NDUFAF2: variants seen among roughly 807,000 people sequenced by gnomAD.
NDUFAF2 encodes NADH dehydrogenase [ubiquinone] 1 alpha subcomplex assembly factor 2.
Under a neutral mutation model 22.8 loss-of-function variants are expected in NDUFAF2, and 13 were observed. The ratio of observed to expected loss-of-function variants is 0.57; its 90% CI spans 0.37 to 0.91. The LOEUF is 0.91. Among genes scored for constraint, NDUFAF2 ranks in the 40% least tolerant of loss-of-function variants. NDUFAF2 has a pLI of 0.01. For synonymous variants in NDUFAF2, 53 were observed against 64.2 expected (o/e 0.83, Z 0.84); for missense variants, 162 against 195.2 (o/e 0.83, Z 1.01).
At chr5:60,946,439 C>T (rs1042083123) in intron 1 of NDUFAF2, among the ~76,000 whole-genome samples, 1 of 152,114 alleles carries the variant, frequency 6.6e-6, no homozygotes, top group African/African-American at 2.4e-5. Context: ...TTTTGCCTGG[C>T]CTTTTTCTGT....
intron 1 of NDUFAF2, chr5:61,050,614 G>T (rs1580113393): frequency 6.6e-6 from 1 of 152,128 alleles, no homozygotes; most frequent in Non-Finnish European, 1.5e-5. Context: ...CCTCAGACTA[G>T]AACTACTGAC....
At chr5:61,133,978 G>A (rs1753143609) in intron 3 of NDUFAF2, among the ~76,000 whole-genome samples, 2 of 152,066 alleles carry the variant, frequency 1.3e-5, no homozygotes, top group South Asian at 2.1e-4. Flanking sequence ...ACGTAATTTG[G>A]CATAATTTAT....
chr5:60,962,764 C>G (rs1411763921), intron 1 of NDUFAF2, among the ~76,000 whole-genome samples: 1 of 150,142 alleles, frequency 6.7e-6, no homozygotes, highest in Non-Finnish European at 1.5e-5. Context: ...ACCCGGGAGG[C>G]GGAGGTTGCA....
At chr5:61,019,669 T>G (rs1430747226) in intron 1 of NDUFAF2, among the ~76,000 whole-genome samples, 1 of 152,080 alleles carries the variant, frequency 6.6e-6, no homozygotes, top group Admixed American at 6.6e-5. Context: ...ATAAATTTTG[T>G]TTTTTTCAAA....
intron 3 of NDUFAF2, among the ~76,000 whole-genome samples, chr5:61,120,490 A>ACTT (rs1049038417): frequency 2.6e-5 from 4 of 152,092 alleles, no homozygotes; most frequent in African/African-American, 9.7e-5. Context: ...TTTCTTACAT[A>ACTT]CTTCTATACA....
chr5:61,116,340 A>G (rs1405794377), intron 3 of NDUFAF2: 1 of 152,186 alleles, frequency 6.6e-6, no homozygotes, highest in Non-Finnish European at 1.5e-5. Context: ...AAAACTTAAA[A>G]TAACTGCTAT....
chr5:61,008,779 C>A (rs183925862), intron 1 of NDUFAF2, among the ~76,000 whole-genome samples: 45 of 152,064 alleles, frequency 3.0e-4, no homozygotes, highest in Non-Finnish European at 4.4e-5. Context: ...ATGTTTGTTT[C>A]TTTCTATTAT....
At chr5:61,144,654 A>G (rs1741109914) in intron 3 of NDUFAF2, among the ~76,000 whole-genome samples, 1 of 152,180 alleles carries the variant, frequency 6.6e-6, no homozygotes, top group African/African-American at 2.4e-5. Flanking sequence ...GAACCTATTC[A>G]GATATCTCTC....
chr5:60,994,008 C>G (rs927607565), intron 1 of NDUFAF2, among the ~76,000 whole-genome samples: 1 of 152,248 alleles, frequency 6.6e-6, no homozygotes, highest in Non-Finnish European at 1.5e-5. Context: ...GCTATTCATG[C>G]CAAGGGGCGC....
chr5:61,060,219 A>C (rs1405027560), intron 1 of NDUFAF2, among the ~76,000 whole-genome samples: 2 of 152,154 alleles, frequency 1.3e-5, no homozygotes, highest in Non-Finnish European at 2.9e-5. Context: ...GCTGCAACTG[A>C]GTAACTTTAG....
chr5:61,069,136 T>A (rs1367094780), intron 1 of NDUFAF2, among the ~76,000 whole-genome samples: 1 of 151,932 alleles, frequency 6.6e-6, no homozygotes, highest in Non-Finnish European at 1.5e-5. Context: ...CTTTTTTTTT[T>A]TTTTTTTCCT....
chr5:60,994,047 T>C (rs1322489960), intron 1 of NDUFAF2, among the ~76,000 whole-genome samples: 2 of 152,126 alleles, frequency 1.3e-5, no homozygotes, highest in Non-Finnish European at 2.9e-5. Context: ...CTGCCCTCAG[T>C]CCCCCACGGC....
chr5:61,045,788 T>C (rs1292725542), intron 1 of NDUFAF2, among the ~76,000 whole-genome samples: 1 of 152,168 alleles, frequency 6.6e-6, no homozygotes, highest in African/African-American at 2.4e-5. Flanking sequence ...ACATCTTCCT[T>C]TCTGATTTGG....
chr5:61,109,782 G>A (rs569791734), intron 3 of NDUFAF2, among the ~76,000 whole-genome samples: 1 of 152,044 alleles, frequency 6.6e-6, no homozygotes, highest in African/African-American at 2.4e-5. Flanking sequence ...CACCATGTAA[G>A]ACATCCCTCT....
intron 1 of NDUFAF2, among the ~76,000 whole-genome samples, chr5:61,008,858 G>A (rs927652221): frequency 6.6e-6 from 1 of 152,042 alleles, no homozygotes; most frequent in Non-Finnish European, 1.5e-5. Flanking sequence ...GAAGGATGAG[G>A]TTTGCTTTTG....
chr5:60,974,273 C>T (rs1490113878), intron 1 of NDUFAF2, among the ~76,000 whole-genome samples: 1 of 152,166 alleles, frequency 6.6e-6, no homozygotes, highest in African/African-American at 2.4e-5. Context: ...CATTAGACTC[C>T]AAGTTCTTAA....
At chr5:60,984,850 A>T (rs1298697744) in intron 1 of NDUFAF2, among the ~76,000 whole-genome samples, 2 of 148,886 alleles carry the variant, frequency 1.3e-5, no homozygotes, top group Non-Finnish European at 3.0e-5. Flanking sequence ...TTGGTGTAAA[A>T]TTCTCTTTTT....
chr5:61,028,488 G>A (rs557483634), intron 1 of NDUFAF2, among the ~76,000 whole-genome samples: 13 of 152,134 alleles, frequency 8.5e-5, no homozygotes, highest in Middle Eastern at 3.4e-3. Flanking sequence ...GCATTTCTTA[G>A]TAAACAGTAA....
At chr5:61,004,010 T>G (rs1751333112) in intron 1 of NDUFAF2, among the ~76,000 whole-genome samples, 1 of 123,240 alleles carries the variant, frequency 8.1e-6, no homozygotes, top group Non-Finnish European at 1.8e-5. Context: ...GCCTGTATCC[T>G]TTCTTTTTTT....
Sources: gnomAD v4.1 joint callset for allele counts (sites outside exome capture counted in the v4.1 genomes callset) on GRCh38, gnomAD v4.1.1 for gene constraint, MANE v1.5 for transcripts, NCBI Gene and HGNC (gene_info 2026-07-23, HGNC 2026-07-21) for gene names.